Variants in PXDC1 observed in about 807,000 individuals in gnomAD.
PXDC1 encodes PX domain containing 1.
Under a neutral mutation model 24.4 loss-of-function variants are expected in PXDC1, and 13 were observed. The ratio of observed to expected loss-of-function variants is 0.53; its 90% CI spans 0.35 to 0.85. PXDC1 has a LOEUF of 0.85. Ranked by LOEUF, PXDC1 falls within the 40% of genes least tolerant of loss-of-function variation. The pLI, the probability that PXDC1 is intolerant of heterozygous loss-of-function variation, is 0.01. For missense variants in PXDC1, 344 were observed against 309.3 expected, an observed-to-expected ratio of 1.11 and a Z score of -0.84; for synonymous variants, 162 against 124.9, an observed-to-expected ratio of 1.30 and a Z score of -1.98.
intron 1 of PXDC1, chr6:3,738,925 G>C: frequency 7.7e-7 from 1 of 1,302,206 alleles, no homozygotes; most frequent in Non-Finnish European, 1.0e-6. Flanking sequence ...CAAGGACACT[G>C]GCGTCTCCCC....
In PXDC1 at chr6:3,724,692, C is replaced by T. The variant is rs777102089; in HGVS notation, c.579-956G>A. On this transcript the variant is annotated intron_variant, in intron 4 of 4. Transcript: ENST00000380283. This position sits in a 1 kb window ranked among gnomAD's most constrained non-coding sequence, Gnocchi z 4.5. The stretch of plus-strand genomic sequence containing the variant: ...TGCCGCCCCCAGTGACTGAAGGTGG[C>T]CCTGGCCCGTGGACAACTGTGGGAA... Among the ~76,000 whole-genome samples, 1 of 152,068 alleles carries T rather than the reference C, an allele frequency of 6.6e-6. No individual in the cohort carries two copies. The highest frequency in any genetic ancestry group is 1.5e-5 in the Non-Finnish European group (1 of 67,994).
chr6:3,750,754 A>G (rs1760689540), intron 1 of PXDC1, among the ~76,000 whole-genome samples: 1 of 152,080 alleles, frequency 6.6e-6, no homozygotes. Context: ...GAGGGACGGA[A>G]GGGCTGCGTG....
intron 1 of PXDC1, among the ~76,000 whole-genome samples, chr6:3,748,445 G>C (rs1760618276): frequency 6.6e-6 from 1 of 152,072 alleles, no homozygotes; most frequent in South Asian, 2.1e-4. Flanking sequence ...CAGAAGTCCA[G>C]GAGAGAGCGC....
At chr6:3,751,187 C>T (rs1325252386) in intron 1 of PXDC1, 89 bp downstream of exon 1, 13 of 1,033,792 alleles carry the variant, frequency 1.3e-5, no homozygotes, top group African/African-American at 1.7e-5. Context: ...GGAGAAGTCG[C>T]AATCTCGGTT....
At chr6:3,739,556 C>T (rs1760407625) in intron 1 of PXDC1, among the ~76,000 whole-genome samples, 1 of 152,234 alleles carries the variant, frequency 6.6e-6, no homozygotes, top group Admixed American at 6.5e-5. Context: ...ACTGGAAAAC[C>T]CTGGGGCCTC....
chr6:3,746,192 A>C (rs1760567302), intron 1 of PXDC1, among the ~76,000 whole-genome samples: 1 of 152,006 alleles, frequency 6.6e-6, no homozygotes, highest in Non-Finnish European at 1.5e-5. Context: ...TCCAGCTGGG[A>C]AGTGAGCTCA....
At position 3,737,212 on chromosome 6, in the gene PXDC1, G is replaced by C; in HGVS notation, c.349-16C>G. The C allele has an allele frequency of 6.4e-7, 1 of 1,551,438 alleles. No homozygotes were observed. Among genetic ancestry groups the C allele is most frequent in the East Asian group, 2.2e-5 (1 of 44,604 alleles). ...ATCTAGAATACTGGGGAGAAATGCA[G>C]GGATTACTAAAAACGATCAGCCTCT... On this transcript the variant is annotated splice_polypyrimidine_tract_variant and intron_variant, in intron 2 of 4. Coordinates refer to ENST00000380283, the MANE Select transcript of PXDC1 (RefSeq NM_183373.4). The surrounding 1 kb of genome is among the most constrained non-coding windows in gnomAD (Gnocchi z 5.5).
In PXDC1 at chr6:3,727,131, T is replaced by C. The variant is rs115805553; in HGVS notation, c.578+420A>G. On this transcript the variant is annotated intron_variant, in intron 4 of 4. Coordinates refer to ENST00000380283, the MANE Select transcript of PXDC1 (RefSeq NM_183373.4). ...AAGAGCGGAGAAGACAGTGGTGGCTTTGGCTGTCCAGCCTCAGTAATCAGA... is the reference window on the plus strand; with the variant it reads ...AAGAGCGGAGAAGACAGTGGTGGCTCTGGCTGTCCAGCCTCAGTAATCAGA... Among the ~76,000 whole-genome samples, 337 of 152,362 alleles carry C rather than the reference T, an allele frequency of 2.2e-3. 1 individual carries two copies. Among genetic ancestry groups the C allele is most frequent in the African/African-American group, 7.8e-3 (323 of 41,586 alleles).
intron 1 of PXDC1, among the ~76,000 whole-genome samples, chr6:3,746,022 C>T (rs977769607): frequency 7.2e-5 from 11 of 152,332 alleles, no homozygotes; most frequent in African/African-American, 1.4e-4. Context: ...ATATGGTGTG[C>T]GTTCAGCTCC....
chr6:3,735,754 T>C (rs1561734643), intron 3 of PXDC1, among the ~76,000 whole-genome samples: 3 of 152,188 alleles, frequency 2.0e-5, no homozygotes, highest in African/African-American at 7.2e-5. Flanking sequence ...AGAGAGGATT[T>C]TGAATGTTCT....
intron 3 of PXDC1, among the ~76,000 whole-genome samples, chr6:3,731,139 C>T (rs1760186387): frequency 6.6e-6 from 1 of 152,144 alleles, no homozygotes; most frequent in South Asian, 2.1e-4. Flanking sequence ...ATAAGGTTGA[C>T]ATTATACAGA....
intron 1 of PXDC1, among the ~76,000 whole-genome samples, chr6:3,750,712 G>C (rs1243473300): frequency 1.3e-5 from 2 of 152,174 alleles, no homozygotes; most frequent in East Asian, 3.9e-4. Context: ...CTGGCTGTCC[G>C]CGGCAGCCGC....
In PXDC1 at chr6:3,726,666, G is replaced by A. The variant is rs567298992; in HGVS notation, c.578+885C>T. On this transcript the variant is annotated intron_variant, in intron 4 of 4. Transcript: ENST00000380283. ...GCCCACAGGCCCGGATGTGGGCCTCGGCACATGTGGCCGGCTCTAGTTTCA... is the reference window on the plus strand; with the variant it reads ...GCCCACAGGCCCGGATGTGGGCCTCAGCACATGTGGCCGGCTCTAGTTTCA... Among the ~76,000 whole-genome samples, 7 of 152,318 alleles carry A rather than the reference G, an allele frequency of 4.6e-5. No individual in the cohort carries two copies. In the East Asian group the frequency reaches 9.7e-4, roughly 21 times the overall value.
intron 1 of PXDC1, among the ~76,000 whole-genome samples, chr6:3,749,005 A>G (rs1248613346): frequency 6.6e-6 from 1 of 152,192 alleles, no homozygotes; most frequent in Non-Finnish European, 1.5e-5. Context: ...CATTACTGGG[A>G]TATATTTTAC....
Position 3,737,710 on chromosome 6 carries a change from C to T in PXDC1, c.348+347G>A, listed in dbSNP as rs1263557952. 1 of 985,204 alleles carries T rather than the reference C, an allele frequency of 1.0e-6. No individual in the cohort carries two copies. The highest frequency in any genetic ancestry group is 1.7e-5 in the African/African-American group (1 of 57,218). 61.0% of individuals were successfully genotyped at this position (985,204 alleles called of 1,614,324 possible). On this transcript the variant is annotated intron_variant, in intron 2 of 4. Coordinates refer to ENST00000380283, the MANE Select transcript of PXDC1 (RefSeq NM_183373.4). The surrounding 1 kb of genome is among the most constrained non-coding windows in gnomAD (Gnocchi z 5.5). Reference sequence around the variant, plus strand: ...GTTTCCACGTGTCTGTTCTAAAATCCCCTCAGCAAGACGGTGGATTCTGAG... The same window carrying T: ...GTTTCCACGTGTCTGTTCTAAAATCTCCTCAGCAAGACGGTGGATTCTGAG...
At chr6:3,738,853 G>C (rs1760390198) in intron 1 of PXDC1, 3 of 1,303,320 alleles carry the variant, frequency 2.3e-6, no homozygotes, top group Non-Finnish European at 3.0e-6. Flanking sequence ...GAAGCGCAGA[G>C]CAGAAGTCTT....
At chr6:3,743,134 T>C (rs952840728) in intron 1 of PXDC1, among the ~76,000 whole-genome samples, 8 of 152,198 alleles carry the variant, frequency 5.3e-5, no homozygotes, top group Non-Finnish European at 1.0e-4. Flanking sequence ...CTGGCCCAGC[T>C]TCCTCCAGGG....
intron 3 of PXDC1, among the ~76,000 whole-genome samples, chr6:3,729,459 C>G (rs1240069536): frequency 6.6e-6 from 1 of 152,188 alleles, no homozygotes; most frequent in African/African-American, 2.4e-5. Flanking sequence ...CAGTCCTCAG[C>G]TCTTCCCTGC....
chr6:3,732,191 C>T (rs752133072), intron 3 of PXDC1, among the ~76,000 whole-genome samples: 9 of 152,124 alleles, frequency 5.9e-5, no homozygotes, highest in Non-Finnish European at 7.4e-5. Context: ...AACGTCACAA[C>T]CCCTCACTTC....
Sources: gnomAD v4.1 joint callset for allele counts (sites outside exome capture counted in the v4.1 genomes callset) on GRCh38, gnomAD v4.1.1 for gene constraint, Gnocchi (gnomAD v3.1) non-coding constraint, MANE v1.5 for transcripts, NCBI Gene and HGNC (gene_info 2026-07-23, HGNC 2026-07-21) for gene names.